Variants in COL12A1 observed in about 807,000 individuals in gnomAD.
COL12A1 encodes collagen alpha-1(XII) chain.
A neutral mutation model predicts 349.7 loss-of-function variants in COL12A1; 114 were observed. The ratio of observed to expected loss-of-function variants is 0.33; its 90% CI spans 0.28 to 0.38. The LOEUF is 0.38. COL12A1 is among the 10% of genes least tolerant of loss of function. The pLI is 1.00. For missense variants in COL12A1, 3,284 were observed against 3,756.9 expected, an observed-to-expected ratio of 0.87 and a Z score of 3.29; for synonymous variants, 1,369 against 1,329.0, an observed-to-expected ratio of 1.03 and a Z score of -0.66.
chr6:75,187,405 G>T (rs1769683852), intron 8 of COL12A1, among the ~76,000 whole-genome samples: 1 of 152,004 alleles, frequency 6.6e-6, no homozygotes, highest in Non-Finnish European at 1.5e-5. Flanking sequence ...CAGAAAAAAA[G>T]TCTGGCCTAC....
At chr6:75,095,391 G>A (rs894056671) in intron 59 of COL12A1, among the ~76,000 whole-genome samples, 15 of 152,220 alleles carry the variant, frequency 9.9e-5, no homozygotes, top group African/African-American at 2.6e-4. Flanking sequence ...GCCGAGGCGG[G>A]TGGATCATGA....
At chr6:75,107,220 T>G (rs1158620801) in intron 52 of COL12A1, among the ~76,000 whole-genome samples, 1 of 152,022 alleles carries the variant, frequency 6.6e-6, no homozygotes, top group African/African-American at 2.4e-5. Context: ...GAATATTAAT[T>G]TCTATAATTA....
intron 27 of COL12A1, 69 bp from the exon 28 acceptor site, chr6:75,139,030 A>T: frequency 2.5e-6 from 4 of 1,570,720 alleles, no homozygotes; most frequent in Non-Finnish European, 3.5e-6. Context: ...AATATAATAA[A>T]AACTGCCTTG....
intron 46 of COL12A1, among the ~76,000 whole-genome samples, 160 bp downstream of exon 46, chr6:75,118,883 C>T (rs1335533661): frequency 6.6e-6 from 1 of 152,166 alleles, no homozygotes; most frequent in Non-Finnish European, 1.5e-5. Context: ...AGTTGCAAAC[C>T]ATTCCATAAT....
chr6:75,198,991 TTTAA>T (rs1270138167), intron 2 of COL12A1, among the ~76,000 whole-genome samples: 1 of 152,364 alleles, frequency 6.6e-6, no homozygotes, highest in East Asian at 1.9e-4. Context: ...TTAGCATAAC[TTTAA>T]TTATCTTTGC....
intron 54 of COL12A1, among the ~76,000 whole-genome samples, chr6:75,105,001 T>C (rs887077837): frequency 3.3e-5 from 5 of 152,326 alleles, no homozygotes; most frequent in African/African-American, 4.8e-5. Flanking sequence ...TGAAGAAATA[T>C]GTCAAATGCC....
chr6:75,153,939 A>C (rs1299182850), intron 17 of COL12A1, among the ~76,000 whole-genome samples: 4 of 152,132 alleles, frequency 2.6e-5, no homozygotes, highest in African/African-American at 9.7e-5. Flanking sequence ...AGAAAACTGC[A>C]TCTTAGTCAT....
chr6:75,201,586 G>GT lies in COL12A1; in HGVS notation c.73+1133dup, dbSNP rs930818101. On this transcript the variant is annotated intron_variant, in intron 2 of 65. Coordinates refer to ENST00000322507, the MANE Select transcript of COL12A1 (RefSeq NM_004370.6). ...TCCACAGCTGTCACTTGGCAGAAGT[G>GT]TTTTTTTTCCTCCCTTAACTTCATC... Among the ~76,000 whole-genome samples the GT allele has an allele frequency of 1.7e-4, 26 of 150,146 alleles. No individual in the cohort carries two copies. The East Asian group carries it at 2.7e-3, about 16-fold the overall frequency.
At chr6:75,127,682 G>C (rs1185945446) in intron 38 of COL12A1, among the ~76,000 whole-genome samples, 1 of 152,058 alleles carries the variant, frequency 6.6e-6, no homozygotes, top group Non-Finnish European at 1.5e-5. Context: ...GTGGAACCCA[G>C]GCGTAAGTAT....
intron 64 of COL12A1, 81 bp from the exon 65 acceptor site, chr6:75,087,828 C>T: frequency 7.3e-7 from 1 of 1,375,652 alleles, no homozygotes; most frequent in South Asian, 1.3e-5. Flanking sequence ...TTAAGTGGCA[C>T]CTCCACTGTC....
intron 64 of COL12A1, among the ~76,000 whole-genome samples, chr6:75,088,208 C>G (rs747388420): frequency 6.6e-6 from 1 of 152,134 alleles, no homozygotes; most frequent in Non-Finnish European, 1.5e-5. Context: ...ATAGGGCTGT[C>G]CTTGGTTGCA....
chr6:75,132,294 T>C (rs1393182911), intron 34 of COL12A1, among the ~76,000 whole-genome samples: 1 of 152,196 alleles, frequency 6.6e-6, no homozygotes, highest in Non-Finnish European at 1.5e-5. Context: ...GGAAGCAACA[T>C]TGTATTCAAT....
At chr6:75,133,572 C>A in intron 33 of COL12A1, 150 bp from the exon 34 acceptor site, 1 of 856,894 alleles carries the variant, frequency 1.2e-6, no homozygotes, top group Non-Finnish European at 1.8e-6. Context: ...TGACCTGTTA[C>A]AAGAGGTTAC....
In COL12A1 at chr6:75,144,098, G is replaced by A. The variant is rs115671255; in HGVS notation, c.4691-710C>T. Reference sequence around the variant, plus strand: ...TCTAGCTCCACTTCCACATTTCTGCGCCTCCATCTCTTCAACATTTTTATC... The same window carrying A: ...TCTAGCTCCACTTCCACATTTCTGCACCTCCATCTCTTCAACATTTTTATC... On this transcript the variant is annotated intron_variant, in intron 25 of 65. Coordinates refer to ENST00000322507, the MANE Select transcript of COL12A1 (RefSeq NM_004370.6). Among the ~76,000 whole-genome samples, 979 of 152,058 alleles carry A rather than the reference G, an allele frequency of 6.4e-3. 10 individuals carry two copies. Among genetic ancestry groups the A allele is most frequent in the African/African-American group, 0.022 (921 of 41,468 alleles).
intron 1 of COL12A1, among the ~76,000 whole-genome samples, chr6:75,204,669 TG>T (rs976991416): frequency 2.0e-5 from 3 of 152,106 alleles, no homozygotes; most frequent in Admixed American, 6.5e-5. Flanking sequence ...ATGAGTCCAC[TG>T]GGGTGGGAGT....
intron 16 of COL12A1, among the ~76,000 whole-genome samples, chr6:75,155,455 G>A (rs1767704707): frequency 6.6e-6 from 1 of 152,090 alleles, no homozygotes; most frequent in Admixed American, 6.6e-5. Context: ...ATCCTGCTCA[G>A]GCCTAAATTC....
chr6:75,202,365 C>G (rs754666717), intron 2 of COL12A1, among the ~76,000 whole-genome samples: 1 of 152,190 alleles, frequency 6.6e-6, no homozygotes, highest in Non-Finnish European at 1.5e-5. Context: ...TGGGTGCCAC[C>G]CGGAGGTGTC....
At chr6:75,188,956 C>A (rs886519931) in intron 7 of COL12A1, among the ~76,000 whole-genome samples, 47 of 151,994 alleles carry the variant, frequency 3.1e-4, no homozygotes, top group African/African-American at 1.1e-3. Context: ...ATCATTGGCC[C>A]AGCATTCTTT....
intron 38 of COL12A1, 117 bp downstream of exon 38, chr6:75,128,179 G>A (rs1430125824): frequency 3.1e-5 from 25 of 799,376 alleles, no homozygotes; most frequent in Non-Finnish European, 4.6e-5. Context: ...CAATATTAGT[G>A]TGGTATTTGA....
Sources: allele counts gnomAD v4.1 joint callset (sites outside exome capture counted in the v4.1 genomes callset), GRCh38; gene constraint gnomAD v4.1.1; transcripts MANE v1.5; gene names NCBI Gene and HGNC (gene_info 2026-07-23, HGNC 2026-07-21).